Variants in ZNF560 observed in about 807,000 individuals in gnomAD.
ZNF560 encodes the protein zinc finger protein 560.
In ZNF560, 54 loss-of-function variants were observed where a neutral mutation model predicts 81.8. That is an observed-to-expected ratio of 0.66 (90% CI 0.53 to 0.83). The LOEUF is 0.83. Ranked by LOEUF, ZNF560 falls within the 40% of genes least tolerant of loss-of-function variation. The probability of loss-of-function intolerance (pLI) is 0.00; values close to 1 mark genes in which losing one functional copy is unlikely to be tolerated. For synonymous variants in ZNF560, 321 were observed against 317.9 expected, an observed-to-expected ratio of 1.01 and a Z score of -0.10; for missense variants, 940 against 932.4, an observed-to-expected ratio of 1.01 and a Z score of -0.11.
chr19:9,477,030 A>T (rs559304601), intron 2 of ZNF560, among the ~76,000 whole-genome samples: 1 of 152,290 alleles, frequency 6.6e-6, no homozygotes, highest in Admixed American at 6.5e-5. Flanking sequence ...TTAATCAACA[A>T]GCGTTACTTA....
intron 6 of ZNF560, among the ~76,000 whole-genome samples, chr19:9,471,068 G>C (rs576881098): frequency 6.6e-6 from 1 of 152,120 alleles, no homozygotes; most frequent in African/African-American, 2.4e-5. Context: ...GTACCTACAA[G>C]AAAATGAGTC....
upstream of ZNF560, among the ~76,000 whole-genome samples, chr19:9,501,412 G>A (rs1235054669): frequency 2.0e-5 from 3 of 150,088 alleles, 1 homozygote; most frequent in African/African-American, 7.4e-5. Context: ...AGGCTGGATT[G>A]CAGTGGTGTG....
At chr19:9,494,434 C>T (rs764353455) in intron 2 of ZNF560, among the ~76,000 whole-genome samples, 7 of 151,952 alleles carry the variant, frequency 4.6e-5, no homozygotes, top group Non-Finnish European at 7.4e-5. Flanking sequence ...TATCATGTTG[C>T]ATTAAAAGAT....
the ZNF560 span, among the ~76,000 whole-genome samples, chr19:9,460,022 G>A: frequency 5.3e-5 from 8 of 151,922 alleles, no homozygotes; most frequent in Admixed American, 2.0e-4. Flanking sequence ...GGAAAGACCC[G>A]ATAACAAAAG....
chr19:9,469,296 T>C (rs1048655055), intron 8 of ZNF560, 109 bp from the exon 9 acceptor site: 6 of 800,296 alleles, frequency 7.5e-6, no homozygotes, highest in African/African-American at 7.0e-5. Flanking sequence ...TTGGCAATCA[T>C]ATGGGGTCAA....
intron 5 of ZNF560, among the ~76,000 whole-genome samples, chr19:9,472,021 A>G (rs1161615137): frequency 3.9e-5 from 6 of 152,058 alleles, no homozygotes. Context: ...GAGGCAGGAG[A>G]ATGGCATGAA....
At chr19:9,446,230 C>A in the ZNF560 span, among the ~76,000 whole-genome samples, 1 of 151,900 alleles carries the variant, frequency 6.6e-6, no homozygotes. Flanking sequence ...TTTTTTCCAT[C>A]TCCCTGCTGC....
At chr19:9,451,990 C>T in the ZNF560 span, among the ~76,000 whole-genome samples, 2 of 152,002 alleles carry the variant, frequency 1.3e-5, no homozygotes, top group African/African-American at 4.8e-5. Flanking sequence ...GCAGGAGAAT[C>T]GCTTGAATCC....
At chr19:9,490,515 G>A (rs934642121) in intron 2 of ZNF560, among the ~76,000 whole-genome samples, 4 of 152,038 alleles carry the variant, frequency 2.6e-5, no homozygotes, top group Non-Finnish European at 2.9e-5. Flanking sequence ...ACTATAACAG[G>A]GATTAATAAA....
chr19:9,484,300 AAAAG>A (rs932109205), intron 2 of ZNF560, among the ~76,000 whole-genome samples: 2 of 152,112 alleles, frequency 1.3e-5, no homozygotes, highest in East Asian at 3.9e-4. Context: ...AAAAAAAAAA[AAAAG>A]AAACAGAAGA....
chr19:9,450,020 C>T, the ZNF560 span, among the ~76,000 whole-genome samples: 2 of 147,212 alleles, frequency 1.4e-5, no homozygotes, highest in Non-Finnish European at 1.5e-5. Flanking sequence ...AGGCCAGGCA[C>T]GATGGCTTGT....
chr19:9,497,663 G>C (rs369715451), intron 2 of ZNF560, among the ~76,000 whole-genome samples: 1 of 151,992 alleles, frequency 6.6e-6, no homozygotes, highest in African/African-American at 2.4e-5. Context: ...AACAGGTGCA[G>C]CTACAATGGA....
intron 2 of ZNF560, among the ~76,000 whole-genome samples, chr19:9,493,399 C>T (rs745506116): frequency 2.0e-5 from 3 of 152,238 alleles, no homozygotes; most frequent in Non-Finnish European, 4.4e-5. Context: ...GAATCTCACT[C>T]TGTTGCCCAG....
chr19:9,469,759 G>T, intron 7 of ZNF560, 49 bp from the exon 8 acceptor site: 1 of 1,542,112 alleles, frequency 6.5e-7, no homozygotes, highest in African/African-American at 1.4e-5. Flanking sequence ...TGCAAGAAAT[G>T]GCAAACTTTT....
At chr19:9,488,280 A>C (rs954205164) in intron 2 of ZNF560, among the ~76,000 whole-genome samples, 2 of 152,164 alleles carry the variant, frequency 1.3e-5, no homozygotes, top group Non-Finnish European at 2.9e-5. Flanking sequence ...CCATGCTCTT[A>C]GACTTTCCAA....
intron 2 of ZNF560, among the ~76,000 whole-genome samples, chr19:9,489,236 C>T (rs2073432017): frequency 6.6e-6 from 1 of 152,250 alleles, no homozygotes; most frequent in South Asian, 2.1e-4. Context: ...CCTCACTTCC[C>T]AGACAGTGGG....
Position 9,467,163 on chromosome 19 carries a change from C to A in ZNF560, c.1784G>T (p.Ser595Ile). ...SYLTKHLRRH[S>I]GEKPYECKKC... ...CTTACATTCATATGGCTTCTCTCCA[C>A]TGTGTCTTCGTAAATGTTTAGTAAG... is the stretch of plus-strand genomic sequence containing the variant. Residue 595 changes from serine to isoleucine, a missense_variant, in exon 10 of 10, where the codon AGT (serine) becomes ATT (isoleucine). Transcript: ENST00000301480. 6.2e-7 allele frequency: 1 copy of A among 1,613,526 alleles called. No individual in the cohort carries two copies. The highest frequency in any genetic ancestry group is 8.5e-7 in the Non-Finnish European group (1 of 1,179,852).
intron 2 of ZNF560, among the ~76,000 whole-genome samples, chr19:9,479,526 A>C (rs2073252673): frequency 6.6e-6 from 1 of 152,208 alleles, no homozygotes; most frequent in Non-Finnish European, 1.5e-5. Flanking sequence ...TAATAAAGGA[A>C]TCTACCAATC....
the ZNF560 span, among the ~76,000 whole-genome samples, chr19:9,450,347 T>G: frequency 6.6e-6 from 1 of 151,262 alleles, no homozygotes; most frequent in Non-Finnish European, 1.5e-5. Context: ...CTATTCAACA[T>G]AGTACTAGGA....
Sources: allele counts gnomAD v4.1 joint callset (sites outside exome capture counted in the v4.1 genomes callset), GRCh38; gene constraint gnomAD v4.1.1; transcripts MANE v1.5; gene names NCBI Gene and HGNC (gene_info 2026-07-23, HGNC 2026-07-21).